Variants in ATG4A observed in about 807,000 individuals in gnomAD.
ATG4A encodes the protein autophagy related 4A cysteine peptidase.
A neutral mutation model predicts 38.4 loss-of-function variants in ATG4A; 22 were observed. The observed-to-expected ratio is 0.57, with a 90% confidence interval of 0.41 to 0.82. The LOEUF is 0.82. Among genes scored for constraint, ATG4A ranks in the 40% least tolerant of loss-of-function variants. The pLI is 0.00. For missense variants in ATG4A, 220 were observed against 290.0 expected (o/e 0.76, Z 1.75); for synonymous variants, 86 against 100.7 (o/e 0.85, Z 0.88).
intron 12 of ATG4A, 61 bp downstream of exon 12, chrX:108,153,148 AAAG>A (rs1232806503): frequency 4.7e-6 from 4 of 858,260 alleles, no homozygotes; most frequent in Non-Finnish European, 6.8e-6. Flanking sequence ...GTTTTATGAG[AAAG>A]AAGAATTGTG....
At chrX:108,149,237 T>C (rs1000816218) in intron 9 of ATG4A, among the ~76,000 whole-genome samples, 6 of 112,547 alleles carry the variant, frequency 5.3e-5, no homozygotes, top group African/African-American at 1.9e-4. Flanking sequence ...CTCTCCTTGC[T>C]CGCCTGATAT....
chrX:108,142,042 G>A (rs2033308257), intron 9 of ATG4A, among the ~76,000 whole-genome samples: 2 of 111,275 alleles, frequency 1.8e-5, no homozygotes, highest in African/African-American at 3.3e-5. Context: ...GAAGCAACAT[G>A]GATGGAGCTG....
At chrX:108,089,729 A>G (rs2031543046), upstream of ATG4A, among the ~76,000 whole-genome samples, 1 of 110,890 alleles carries the variant, frequency 9.0e-6, no homozygotes, top group South Asian at 3.9e-4. Flanking sequence ...GCTACTTGGG[A>G]GGCTGAGGCA....
upstream of ATG4A, among the ~76,000 whole-genome samples, chrX:108,090,038 A>C (rs1185847681): frequency 8.9e-6 from 1 of 112,018 alleles, no homozygotes; most frequent in Non-Finnish European, 1.9e-5. Context: ...GCTTAGATTT[A>C]ACAACAAACA....
At chrX:108,091,925 T>A in intron 1 of ATG4A, 89 bp downstream of exon 1, 1 of 1,179,137 alleles carries the variant, frequency 8.5e-7, no homozygotes, top group South Asian at 1.8e-5. Flanking sequence ...ATGAAACAGG[T>A]TCGGGGGCAG....
At chrX:108,144,521 C>T (rs772668232) in intron 9 of ATG4A, among the ~76,000 whole-genome samples, 2 of 111,862 alleles carry the variant, frequency 1.8e-5, no homozygotes, top group South Asian at 7.6e-4. Context: ...TTGCTGAACC[C>T]GTGTGTAACC....
At chrX:108,098,329 C>A (rs1471378635) in intron 1 of ATG4A, among the ~76,000 whole-genome samples, 2 of 112,038 alleles carry the variant, frequency 1.8e-5, no homozygotes, top group African/African-American at 6.5e-5. Flanking sequence ...AGCTTCCACA[C>A]TCTTGTTTTA....
chrX:108,144,708 TCA>T (rs982643860), intron 9 of ATG4A, among the ~76,000 whole-genome samples: 5 of 112,340 alleles, frequency 4.5e-5, no homozygotes, highest in African/African-American at 1.6e-4. Flanking sequence ...ACAAATATCT[TCA>T]CAGTTTTTGA....
chrX:108,123,577 C>G (rs956824060), intron 1 of ATG4A, among the ~76,000 whole-genome samples: 1 of 111,781 alleles, frequency 8.9e-6, no homozygotes, highest in Non-Finnish European at 1.9e-5. Context: ...TTCATTTGTT[C>G]TATACATGTA....
chrX:108,091,445 T>C (rs1229412825), upstream of ATG4A: 2 of 1,212,365 alleles, frequency 1.6e-6, no homozygotes, highest in Non-Finnish European at 2.2e-6. Context: ...TCGGCCAGAA[T>C]ACTCTCCTTC....
At chrX:108,089,200 T>C (rs920889354), upstream of ATG4A, among the ~76,000 whole-genome samples, 12 of 112,494 alleles carry the variant, frequency 1.1e-4, no homozygotes, top group Admixed American at 3.8e-4. Context: ...GTTTTACATG[T>C]ATAGTATCAT....
Position 108,137,958 on chromosome X carries a change from C to G in ATG4A, c.702C>G (p.Asn234Lys), listed in dbSNP as rs138654573. 4.9e-4 allele frequency: 589 copies of G among 1,200,478 alleles called. 1 individual carries two copies. The highest frequency in any genetic ancestry group is 4.0e-3 in the East Asian group (135 of 33,695). Residue 234 changes from asparagine to lysine, a missense_variant, in exon 8 of 13, where the codon AAC (asparagine) becomes AAG (lysine). Asn to Lys is a moderately conservative substitution (Grantham distance 94, BLOSUM62 0). This residue lies in a region of ATG4A where 159 missense variants were observed against 188.9 expected (regional missense o/e 0.84). Transcript: ENST00000372232. ...LLIVPLRLGI[N>K]QINPVYVDAF... ...TTGTGCCCCTTCGCCTGGGCATAAA[C>G]CAAATCAATCCTGTCTATGTTGATG...
chrX:108,101,876 A>C (rs1198554614), intron 1 of ATG4A, among the ~76,000 whole-genome samples: 1 of 109,834 alleles, frequency 9.1e-6, no homozygotes, highest in Admixed American at 9.8e-5. Context: ...TAATGTCTTC[A>C]AGGTTCATCC....
intron 2 of ATG4A, among the ~76,000 whole-genome samples, chrX:108,126,522 G>T (rs2032801929): frequency 8.9e-6 from 1 of 111,851 alleles, no homozygotes; most frequent in African/African-American, 3.3e-5. Context: ...ACCCACTCCT[G>T]GTATCACTAA....
intron 9 of ATG4A, among the ~76,000 whole-genome samples, chrX:108,142,410 A>G (rs1189238363): frequency 9.1e-6 from 1 of 110,233 alleles, no homozygotes; most frequent in Non-Finnish European, 1.9e-5. Flanking sequence ...GACAGATTGT[A>G]TTAGTCAGGG....
intron 3 of ATG4A, among the ~76,000 whole-genome samples, chrX:108,130,714 G>T (rs1330138173): frequency 1.8e-5 from 2 of 111,773 alleles, no homozygotes; most frequent in East Asian, 5.6e-4. Flanking sequence ...CTCATCTAGG[G>T]ATCTTTCCCC....
chrX:108,152,155 A>G (rs2033605814), intron 11 of ATG4A: 1 of 224,395 alleles, frequency 4.5e-6, no homozygotes, highest in East Asian at 7.2e-5. Flanking sequence ...CAATACTTAC[A>G]TTTTAGAATG....
chrX:108,136,617 A>G (rs2033113936), intron 6 of ATG4A, among the ~76,000 whole-genome samples: 1 of 111,706 alleles, frequency 9.0e-6, no homozygotes, highest in Admixed American at 9.5e-5. Flanking sequence ...CTCTGGGTTT[A>G]CCTGGAACAT....
chrX:108,102,852 C>T (rs377053107), intron 1 of ATG4A, among the ~76,000 whole-genome samples: 231 of 105,783 alleles, frequency 2.2e-3, no homozygotes, highest in African/African-American at 7.5e-3. Flanking sequence ...CTTTTAAGTT[C>T]CTGGTTACAT....
Sources: gnomAD v4.1 joint callset for allele counts (sites outside exome capture counted in the v4.1 genomes callset) on GRCh38, gnomAD v4.1.1 for gene constraint, gnomAD v4.1.1 regional missense constraint, MANE v1.5 for transcripts, NCBI Gene and HGNC (gene_info 2026-07-23, HGNC 2026-07-21) for gene names.